Variants in RUNX1 observed in about 807,000 individuals in gnomAD.
The protein encoded by RUNX1 is runt-related transcription factor 1.
Under a neutral mutation model 42.8 loss-of-function variants are expected in RUNX1, and 19 were observed. The observed-to-expected ratio is 0.44, with a 90% confidence interval of 0.31 to 0.65. The LOEUF is 0.65. RUNX1 is among the 30% of genes least tolerant of loss of function. The probability of loss-of-function intolerance (pLI) is 0.07; values close to 1 mark genes in which losing one functional copy is unlikely to be tolerated. For missense variants in RUNX1, 528 were observed against 672.0 expected (o/e 0.79, Z 2.37); for synonymous variants, 271 against 289.4 (o/e 0.94, Z 0.64).
At chr21:34,875,647 T>G (rs1041606703) in intron 5 of RUNX1, among the ~76,000 whole-genome samples, 1 of 152,218 alleles carries the variant, frequency 6.6e-6, no homozygotes, top group East Asian at 1.9e-4. Context: ...TTCCTTCTTC[T>G]ATTATATGAA....
At chr21:34,880,211 CAA>C (rs2057874176) in intron 5 of RUNX1, among the ~76,000 whole-genome samples, 1 of 152,108 alleles carries the variant, frequency 6.6e-6, no homozygotes, top group African/African-American at 2.4e-5. Flanking sequence ...TATTGTTATC[CAA>C]GAGAGAATCC....
At chr21:35,039,086 C>T (rs1380290938) in intron 2 of RUNX1, among the ~76,000 whole-genome samples, 1 of 152,184 alleles carries the variant, frequency 6.6e-6, no homozygotes, top group African/African-American at 2.4e-5. Context: ...TTCTTAAGGA[C>T]TCAGGGATTC....
At chr21:34,842,074 G>T (rs1019146846) in intron 6 of RUNX1, among the ~76,000 whole-genome samples, 2 of 152,146 alleles carry the variant, frequency 1.3e-5, no homozygotes, top group African/African-American at 4.8e-5. Context: ...ACTAGGTTGT[G>T]GGAAAGCAGA....
intron 2 of RUNX1, among the ~76,000 whole-genome samples, chr21:35,040,257 G>C (rs928456016): frequency 6.6e-6 from 1 of 152,194 alleles, no homozygotes; most frequent in South Asian, 2.1e-4. Flanking sequence ...GTGTAAGAAA[G>C]TGCAGCAAAC....
rs759410035 is a variant in RUNX1 at position 34,789,336 on chromosome 21, G to T, written c.*2799C>A. The stretch of plus-strand genomic sequence containing the variant: ...GAGAGAAAAAAAGGGAGATATTGGG[G>T]GGAAGAGAGGGAGGGAAATGTATTT... On this transcript the variant is annotated 3_prime_UTR_variant, in exon 9 of 9. Transcript: ENST00000675419. The T allele has an allele frequency of 7.3e-5, 17 of 233,184 alleles. No homozygotes were observed. The highest frequency in any genetic ancestry group is 1.4e-4 in the Non-Finnish European group (16 of 118,032). 14.4% of individuals were successfully genotyped at this position (233,184 alleles called of 1,614,324 possible).
chr21:34,946,285 A>G (rs2058562587), intron 2 of RUNX1, among the ~76,000 whole-genome samples: 1 of 152,196 alleles, frequency 6.6e-6, no homozygotes, highest in East Asian at 1.9e-4. Context: ...CCTCCAAATT[A>G]ATGTTTTTAA....
At chr21:34,864,952 C>G (rs1243473340) in intron 5 of RUNX1, among the ~76,000 whole-genome samples, 5 of 152,150 alleles carry the variant, frequency 3.3e-5, no homozygotes, top group African/African-American at 9.7e-5. Context: ...ACTCTCAAGG[C>G]AACCTACTTA....
intron 7 of RUNX1, among the ~76,000 whole-genome samples, chr21:34,811,597 AG>A (rs753315896): frequency 5.3e-5 from 8 of 152,186 alleles, no homozygotes; most frequent in Non-Finnish European, 1.0e-4. Context: ...CTTTACAACT[AG>A]GAAGTCTCTG....
At chr21:34,917,006 G>T (rs1276399122) in intron 2 of RUNX1, among the ~76,000 whole-genome samples, 1 of 152,182 alleles carries the variant, frequency 6.6e-6, no homozygotes, top group African/African-American at 2.4e-5. Context: ...CTAGATTCAG[G>T]ACTGAAAATA....
At chr21:34,965,743 G>A (rs2058714066) in intron 2 of RUNX1, among the ~76,000 whole-genome samples, 1 of 152,136 alleles carries the variant, frequency 6.6e-6, no homozygotes, top group Non-Finnish European at 1.5e-5. Context: ...ACACACCCAG[G>A]CAGGGGAGTC....
chr21:34,817,906 T>C (rs1053361734), intron 7 of RUNX1, among the ~76,000 whole-genome samples: 1 of 152,218 alleles, frequency 6.6e-6, no homozygotes, highest in African/African-American at 2.4e-5. Context: ...TCTTGAGAAC[T>C]GGATTTGCAA....
intron 5 of RUNX1, among the ~76,000 whole-genome samples, chr21:34,860,995 T>C (rs2057566686): frequency 6.6e-6 from 1 of 152,314 alleles, no homozygotes; most frequent in African/African-American, 2.4e-5. Context: ...TGTGCCTTTA[T>C]AACTAAAGTC....
intron 5 of RUNX1, among the ~76,000 whole-genome samples, chr21:34,878,245 G>C (rs551207625): frequency 6.7e-6 from 1 of 148,832 alleles, no homozygotes; most frequent in Admixed American, 6.7e-5. Context: ...ACTTACACTT[G>C]AAAGAGAAAA....
intron 2 of RUNX1, among the ~76,000 whole-genome samples, chr21:35,010,346 T>C (rs182103432): frequency 1.3e-5 from 2 of 151,768 alleles, no homozygotes; most frequent in South Asian, 2.1e-4. Context: ...CTCCTTTTTT[T>C]AAAAAAAAAT....
At chr21:34,855,071 T>C (rs894302154) in intron 6 of RUNX1, among the ~76,000 whole-genome samples, 7 of 152,150 alleles carry the variant, frequency 4.6e-5, no homozygotes, top group Admixed American at 3.3e-4. Context: ...GGCCAATACG[T>C]TAATTAACCT....
intron 2 of RUNX1, among the ~76,000 whole-genome samples, chr21:35,033,412 C>G (rs571372582): frequency 1.8e-4 from 27 of 152,196 alleles, no homozygotes; most frequent in Non-Finnish European, 3.1e-4. Context: ...AGAGTGTCAG[C>G]CTGGAAGTAT....
chr21:34,878,490 C>T (rs892550674), intron 5 of RUNX1, among the ~76,000 whole-genome samples: 1 of 151,862 alleles, frequency 6.6e-6, no homozygotes, highest in African/African-American at 2.4e-5. Flanking sequence ...CTTATTATCA[C>T]TGGTGGGAAG....
intron 6 of RUNX1, among the ~76,000 whole-genome samples, chr21:34,842,995 A>T (rs140808349): frequency 1.4e-4 from 22 of 152,320 alleles, no homozygotes; most frequent in Non-Finnish European, 2.9e-5. Context: ...GCTAGAACCC[A>T]GGAGGCAGAA....
intron 7 of RUNX1, among the ~76,000 whole-genome samples, chr21:34,806,872 A>G (rs1283903826): frequency 1.3e-5 from 2 of 152,206 alleles, no homozygotes; most frequent in African/African-American, 4.8e-5. Context: ...TACATTAGAC[A>G]TGAGTCAAAT....
Sources: allele counts gnomAD v4.1 joint callset (sites outside exome capture counted in the v4.1 genomes callset), GRCh38; gene constraint gnomAD v4.1.1; transcripts MANE v1.5; gene names NCBI Gene and HGNC (gene_info 2026-07-23, HGNC 2026-07-21).